Variants in TENM4 observed in about 807,000 individuals in gnomAD.
The protein encoded by TENM4 is teneurin-4.
In TENM4, 82 loss-of-function variants were observed where a neutral mutation model predicts 243.3. The observed-to-expected ratio is 0.34, with a 90% CI of 0.28 to 0.40. TENM4 has a LOEUF of 0.40. Ranked by LOEUF, TENM4 falls within the 10% of genes least tolerant of loss-of-function variation. TENM4 has a pLI of 1.00. For synonymous variants in TENM4, 1,412 were observed against 1,456.3 expected (o/e 0.97, Z 0.69); for missense variants, 3,138 against 3,673.3 (o/e 0.85, Z 3.77).
intron 1 of TENM4, among the ~76,000 whole-genome samples, chr11:79,433,889 G>A (rs1368039587): frequency 6.6e-6 from 1 of 152,216 alleles, no homozygotes. Flanking sequence ...GTCAGAGTCA[G>A]CAACCAACAG....
chr11:79,368,745 A>C (rs745872033), intron 1 of TENM4, among the ~76,000 whole-genome samples: 4 of 152,226 alleles, frequency 2.6e-5, no homozygotes, highest in Non-Finnish European at 5.9e-5. Flanking sequence ...TAATGCAGAT[A>C]AGGAGTTTAT....
intron 29 of TENM4, among the ~76,000 whole-genome samples, chr11:78,684,139 C>T (rs1858595382): frequency 6.6e-6 from 1 of 152,198 alleles, no homozygotes; most frequent in African/African-American, 2.4e-5. Flanking sequence ...GTCACTGCTC[C>T]GTTAATGAAC....
chr11:79,288,473 T>A (rs1856296322), intron 2 of TENM4, among the ~76,000 whole-genome samples: 1 of 152,216 alleles, frequency 6.6e-6, no homozygotes, highest in South Asian at 2.1e-4. Context: ...CTATGTAGGC[T>A]TCTCCGCTGA....
At chr11:78,945,513 G>C (rs1242786803) in intron 6 of TENM4, among the ~76,000 whole-genome samples, 1 of 152,086 alleles carries the variant, frequency 6.6e-6, no homozygotes, top group Non-Finnish European at 1.5e-5. Context: ...ATTGAAATTA[G>C]GCCAATTAAT....
Position 79,440,319 on chromosome 11 carries a change from T to G in TENM4, c.-321+190A>C, listed in dbSNP as rs1055662508. Among the ~76,000 whole-genome samples, 1 of 151,840 alleles carries G rather than the reference T, an allele frequency of 6.6e-6. No individual in the cohort carries two copies. Among genetic ancestry groups the G allele is most frequent in the South Asian group, 2.1e-4 (1 of 4,816 alleles). On this transcript the variant is annotated intron_variant, in intron 1 of 33. Transcript: ENST00000278550. The surrounding 1 kb of genome is among the most constrained non-coding windows in gnomAD (Gnocchi z 4.7). The stretch of plus-strand genomic sequence containing the variant: ...TCCAGGCTCCAGAACAGCTTGCCTC[T>G]TCGGCCACCCGCGCCCTAGCCTCCC...
intron 4 of TENM4, among the ~76,000 whole-genome samples, chr11:79,138,330 T>TATAA (rs1473021044): frequency 5.1e-5 from 6 of 116,590 alleles, no homozygotes; most frequent in African/African-American, 2.1e-4. Flanking sequence ...TATATATATA[T>TATAA]TATATATATA....
intron 3 of TENM4, among the ~76,000 whole-genome samples, chr11:79,204,006 T>A (rs376617882): frequency 2.0e-5 from 3 of 152,216 alleles, no homozygotes; most frequent in African/African-American, 7.2e-5. Context: ...ATTTATACAA[T>A]AACATTTCCA....
chr11:78,670,729 A>G (rs1377000822), intron 31 of TENM4, among the ~76,000 whole-genome samples, 178 bp from the exon 32 acceptor site: 1 of 152,194 alleles, frequency 6.6e-6, no homozygotes, highest in Admixed American at 6.5e-5. Context: ...GGATACTGCA[A>G]ATAGGTTACA....
At position 79,274,256 on chromosome 11, in the gene TENM4, C is replaced by T. The variant is rs199610333; in HGVS notation, c.-265+23232G>A. Among the ~76,000 whole-genome samples, 141 of 152,336 alleles carry T rather than the reference C, an allele frequency of 9.3e-4. No homozygotes were observed. The East Asian group carries it at 0.011, about 12-fold the overall frequency. On this transcript the variant is annotated intron_variant, in intron 2 of 33. Coordinates refer to ENST00000278550, the MANE Select transcript of TENM4 (RefSeq NM_001098816.3). ...GAAGGTCCCTTTGGTTACATATTGG[C>T]GACCAAATTTGCTCACAAATTCTCG...
intron 4 of TENM4, among the ~76,000 whole-genome samples, chr11:79,144,008 G>A (rs1449850560): frequency 6.6e-6 from 1 of 151,974 alleles, no homozygotes; most frequent in Non-Finnish European, 1.5e-5. Flanking sequence ...ACAAAGTAAA[G>A]AGACAACCCA....
In TENM4 at chr11:79,273,987, T is replaced by C. The variant is rs537338266; in HGVS notation, c.-265+23501A>G. 3.3e-5 allele frequency among the ~76,000 whole-genome samples: 5 copies of C among 152,326 alleles called. No individual in the cohort carries two copies. The East Asian group carries it at 7.7e-4, about 24-fold the overall frequency. Reference sequence around the variant, plus strand: ...CAATATCAGTGAAAGGGAAGAATGCTGGCCTCCTCCTCAGCATCTGCAAGC... The same window carrying C: ...CAATATCAGTGAAAGGGAAGAATGCCGGCCTCCTCCTCAGCATCTGCAAGC... On this transcript the variant is annotated intron_variant, in intron 2 of 33. Transcript: ENST00000278550.
chr11:79,327,119 T>C (rs1223183632), intron 1 of TENM4, among the ~76,000 whole-genome samples: 1 of 152,220 alleles, frequency 6.6e-6, no homozygotes, highest in Non-Finnish European at 1.5e-5. Context: ...TCAGACATTT[T>C]TCCCCCAGCC....
At position 78,669,720 on chromosome 11, in the gene TENM4, C is replaced by A. The variant is rs778400025; in HGVS notation, c.6625G>T (p.Asp2209Tyr). Residue 2209 changes from aspartate to tyrosine, a missense_variant, in exon 32 of 34, where the codon GAC becomes TAC. Physicochemically the swap from Asp to Tyr is radical, Grantham distance 160 (BLOSUM62 -3). Around this residue, in one of 2 missense-constraint regions of TENM4, gnomAD observed 2,467 missense variants for 3,059.1 expected, o/e 0.81. Transcript: ENST00000278550. This position sits in a 1 kb window ranked among gnomAD's most constrained non-coding sequence, Gnocchi z 6.4. ...DGQLQTVSIN[D>Y]KPLWRYSYDL... Reference sequence around the variant, plus strand: ...TAGCTGTAGCGCCAGAGTGGCTTGTCATTGATGGAGACTGTCTGCAGCTGG... The same window carrying A: ...TAGCTGTAGCGCCAGAGTGGCTTGTAATTGATGGAGACTGTCTGCAGCTGG... 1 of 1,613,984 alleles carries A rather than the reference C, an allele frequency of 6.2e-7. No homozygotes were observed. Among genetic ancestry groups the A allele is most frequent in the Admixed American group, 1.7e-5 (1 of 60,012 alleles).
chr11:79,362,883 A>G (rs1857614664), intron 1 of TENM4, among the ~76,000 whole-genome samples: 1 of 152,174 alleles, frequency 6.6e-6, no homozygotes, highest in Admixed American at 6.5e-5. Context: ...TTATTTTTAG[A>G]CTGATTTTCT....
At chr11:79,369,294 A>G (rs1295322116) in intron 1 of TENM4, among the ~76,000 whole-genome samples, 5 of 152,228 alleles carry the variant, frequency 3.3e-5, no homozygotes, top group Admixed American at 2.6e-4. Context: ...AGCCTCTTCA[A>G]TTGCAGCCTG....
intron 15 of TENM4, among the ~76,000 whole-genome samples, chr11:78,799,247 A>G (rs1377185571): frequency 1.3e-5 from 2 of 152,168 alleles, no homozygotes; most frequent in East Asian, 3.9e-4. Flanking sequence ...TCATCTAGAC[A>G]ATGATCTAGA....
At chr11:79,324,650 A>C (rs1236187051) in intron 1 of TENM4, among the ~76,000 whole-genome samples, 1 of 152,194 alleles carries the variant, frequency 6.6e-6, no homozygotes, top group Admixed American at 6.5e-5. Flanking sequence ...TCACAAATAC[A>C]CATATATATG....
At chr11:78,752,673 G>C (rs1280897341) in intron 19 of TENM4, among the ~76,000 whole-genome samples, 2 of 152,226 alleles carry the variant, frequency 1.3e-5, no homozygotes, top group African/African-American at 2.4e-5. Flanking sequence ...AGTCAGGTCT[G>C]CCTCCCCATC....
intron 3 of TENM4, among the ~76,000 whole-genome samples, chr11:79,159,580 T>G (rs1489577377): frequency 6.6e-6 from 1 of 152,156 alleles, no homozygotes; most frequent in Non-Finnish European, 1.5e-5. Context: ...CCTCTCATAA[T>G]TATAATTACA....
Sources: gnomAD v4.1 joint callset for allele counts (sites outside exome capture counted in the v4.1 genomes callset) on GRCh38, gnomAD v4.1.1 for gene constraint, gnomAD v4.1.1 regional missense constraint, Gnocchi (gnomAD v3.1) non-coding constraint, MANE v1.5 for transcripts, NCBI Gene and HGNC (gene_info 2026-07-23, HGNC 2026-07-21) for gene names.